NEDD4: variants seen among roughly 807,000 people sequenced by gnomAD.
The protein encoded by NEDD4 is E3 ubiquitin-protein ligase NEDD4.
A neutral mutation model predicts 144.9 loss-of-function variants in NEDD4; 99 were observed. That is an observed-to-expected ratio of 0.68 (90% CI 0.58 to 0.81). The LOEUF is 0.81. NEDD4 is among the 30% of genes least tolerant of loss of function. The pLI is 0.00. For missense variants in NEDD4, 985 were observed against 1,065.9 expected (o/e 0.92, Z 1.06); for synonymous variants, 318 against 350.6 (o/e 0.91, Z 1.04).
Position 55,979,543 on chromosome 15 carries a change from C to T in NEDD4, c.46-12997G>A, listed in dbSNP as rs1384152391. Among the ~76,000 whole-genome samples, 8 of 150,056 alleles carry T rather than the reference C, an allele frequency of 5.3e-5. 1 individual carries two copies. The highest frequency in any genetic ancestry group is 9.8e-5 in the African/African-American group (4 of 40,854). ...TAATTTTTTGTATTTTTAGTAGAGA[C>T]GGGGTTTCACCTTGTTAGCCAGGAT... On this transcript the variant is annotated intron_variant, in intron 1 of 28. Coordinates refer to ENST00000435532, the MANE Select transcript of NEDD4 (RefSeq NM_006154.4).
chr15:55,850,181 A>G (rs1004847045), intron 14 of NEDD4, among the ~76,000 whole-genome samples: 3 of 152,194 alleles, frequency 2.0e-5, no homozygotes, highest in Non-Finnish European at 4.4e-5. Flanking sequence ...TGTTCTACCT[A>G]GCCTCACAAG....
At chr15:55,916,178 G>C in intron 5 of NEDD4, 1 of 1,613,918 alleles carries the variant, frequency 6.2e-7, no homozygotes, top group Non-Finnish European at 8.5e-7. Context: ...TAGTATTCCT[G>C]TTTGGCACAC....
chr15:55,903,977 C>A (rs529027859), intron 5 of NEDD4, among the ~76,000 whole-genome samples: 1 of 151,794 alleles, frequency 6.6e-6, no homozygotes, highest in South Asian at 2.1e-4. Context: ...CTGGCCAACA[C>A]GGTGAAACCC....
intron 4 of NEDD4, among the ~76,000 whole-genome samples, chr15:55,937,420 T>C (rs2036915597): frequency 6.6e-6 from 1 of 152,190 alleles, no homozygotes. Flanking sequence ...CCGTATGTTT[T>C]CAGTTTTTTT....
chr15:55,958,627 G>A (rs1406486991), intron 2 of NEDD4, among the ~76,000 whole-genome samples: 3 of 151,818 alleles, frequency 2.0e-5, no homozygotes, highest in Non-Finnish European at 2.9e-5. Flanking sequence ...TTTCTTTGTG[G>A]GAAGGACAAA....
At chr15:55,927,581 G>A (rs561466518) in intron 4 of NEDD4, among the ~76,000 whole-genome samples, 21 of 152,256 alleles carry the variant, frequency 1.4e-4, no homozygotes, top group African/African-American at 5.1e-4. Context: ...ATTAGACACT[G>A]GCAAGAAAAG....
At chr15:55,961,017 T>A (rs2037415839) in intron 2 of NEDD4, among the ~76,000 whole-genome samples, 1 of 152,244 alleles carries the variant, frequency 6.6e-6, no homozygotes, top group South Asian at 2.1e-4. Flanking sequence ...CTCACCTGAC[T>A]GATACACTCG....
chr15:55,844,312 C>T (rs1375548120), intron 18 of NEDD4, among the ~76,000 whole-genome samples: 1 of 152,078 alleles, frequency 6.6e-6, no homozygotes, highest in Non-Finnish European at 1.5e-5. Context: ...GCCACACGGT[C>T]AGATTGCTGG....
chr15:55,970,323 G>A lies in NEDD4; in HGVS notation c.46-3777C>T, dbSNP rs147840465. On this transcript the variant is annotated intron_variant, in intron 1 of 28. Coordinates refer to ENST00000435532, the MANE Select transcript of NEDD4 (RefSeq NM_006154.4). ...CCTGGACAGCATTTCTAGAACCACC[G>A]TGGGCCAGAAGGGAACCTACTGCAC... 3.8e-4 allele frequency among the ~76,000 whole-genome samples: 58 copies of A among 152,068 alleles called. 1 individual carries two copies. The East Asian group carries it at 7.9e-3, about 21-fold the overall frequency.
chr15:55,860,869 A>G, intron 9 of NEDD4, 91 bp from the exon 10 acceptor site: 3 of 1,099,424 alleles, frequency 2.7e-6, no homozygotes, highest in Non-Finnish European at 2.7e-6. Context: ...AAAAATCTAC[A>G]TTACATCAAT....
At position 55,863,049 on chromosome 15, in the gene NEDD4, C is replaced by A; in HGVS notation, c.538G>T (p.Ala180Ser). The A allele has an allele frequency of 6.2e-7, 1 of 1,602,698 alleles. No individual in the cohort carries two copies. Among genetic ancestry groups the A allele is most frequent in the Non-Finnish European group, 8.5e-7 (1 of 1,172,570 alleles). Residue 180 changes from alanine to serine, a missense_variant, in exon 9 of 29, where the codon GCT becomes TCT. Ala to Ser is a moderately conservative substitution (Grantham distance 99). Coordinates refer to ENST00000435532, the MANE Select transcript of NEDD4 (RefSeq NM_006154.4). ...TGTTGTTGCTGCAAATGGCAAGCAG[C>A]ATCTGGTTGGTCCAAAACAACCCAG... is the stretch of plus-strand genomic sequence containing the variant. ...PGWVVLDQPD[A>S]ACHLQQQQEP... is the part of the protein sequence containing the mutation.
intron 22 of NEDD4, 99 bp downstream of exon 22, chr15:55,838,410 G>A: frequency 2.3e-6 from 2 of 868,566 alleles, no homozygotes; most frequent in South Asian, 1.5e-5. Flanking sequence ...GGAAATGAAT[G>A]TAAAAACAGA....
At chr15:55,933,308 A>G (rs1287103071) in intron 4 of NEDD4, among the ~76,000 whole-genome samples, 1 of 152,116 alleles carries the variant, frequency 6.6e-6, no homozygotes, top group African/African-American at 2.4e-5. Flanking sequence ...AGACTGGATT[A>G]AGAAAATGTG....
chr15:55,895,576 C>T (rs546238506), intron 5 of NEDD4, among the ~76,000 whole-genome samples: 2 of 152,336 alleles, frequency 1.3e-5, no homozygotes, highest in Admixed American at 1.3e-4. Flanking sequence ...GGCTGAAATT[C>T]AGTGTGTGTT....
intron 4 of NEDD4, among the ~76,000 whole-genome samples, chr15:55,930,968 C>T (rs1307133396): frequency 2.0e-5 from 3 of 152,054 alleles, no homozygotes; most frequent in African/African-American, 7.2e-5. Flanking sequence ...AATTCACTTA[C>T]CAAAGGCCAA....
intron 5 of NEDD4, among the ~76,000 whole-genome samples, chr15:55,903,985 C>T (rs1382110077): frequency 6.6e-6 from 1 of 151,852 alleles, no homozygotes; most frequent in African/African-American, 2.4e-5. Context: ...CACGGTGAAA[C>T]CCCATCTCTA....
At chr15:55,952,378 C>T (rs868019762) in intron 2 of NEDD4, among the ~76,000 whole-genome samples, 2 of 151,902 alleles carry the variant, frequency 1.3e-5, no homozygotes, top group East Asian at 3.9e-4. Context: ...TGTTATGTAA[C>T]CACTTCTACA....
chr15:55,834,409 G>A lies in NEDD4; in HGVS notation c.2263-123C>T, dbSNP rs150444960. ...CAAGTTTCTACCACTACACAATCAC[G>A]GGCTCTTCACTGAGATCTCAATATT... On this transcript the variant is annotated intron_variant, in intron 24 of 28. Transcript: ENST00000435532. 1.1e-4 allele frequency: 71 copies of A among 635,468 alleles called. 4 individuals carry two copies. Among genetic ancestry groups the A allele is most frequent in the African/African-American group, 8.8e-4 (48 of 54,596 alleles). 39.4% of individuals were successfully genotyped at this position (635,468 alleles called of 1,614,324 possible).
At chr15:55,983,352 C>G (rs1001361106) in intron 1 of NEDD4, among the ~76,000 whole-genome samples, 3 of 152,148 alleles carry the variant, frequency 2.0e-5, no homozygotes, top group Admixed American at 2.0e-4. Context: ...TATACAATTC[C>G]AAATCCTTAA....
Sources: gnomAD v4.1 joint callset for allele counts (sites outside exome capture counted in the v4.1 genomes callset) on GRCh38, gnomAD v4.1.1 for gene constraint, MANE v1.5 for transcripts, NCBI Gene and HGNC (gene_info 2026-07-23, HGNC 2026-07-21) for gene names.